The following AXDND1 variants were observed in gnomAD, a reference collection of about 807,000 sequenced individuals.
AXDND1 encodes axonemal dynein light chain domain containing 1.
In AXDND1, 110 loss-of-function variants were observed where a neutral mutation model predicts 137.5. That is an observed-to-expected ratio of 0.80 (90% confidence interval 0.69 to 0.94). The LOEUF (loss-of-function observed/expected upper bound fraction) is 0.94, where lower values mean the gene tolerates loss of function less well. AXDND1 is among the 40% of genes least tolerant of loss of function. The pLI, the probability that AXDND1 is intolerant of heterozygous loss-of-function variation, is 0.00. For synonymous variants in AXDND1, 414 were observed against 399.7 expected (o/e 1.04, Z -0.43); for missense variants, 1,191 against 1,169.8 (o/e 1.02, Z -0.26).
At chr1:179,487,228 T>G (rs1666178998) in intron 18 of AXDND1, among the ~76,000 whole-genome samples, 1 of 148,670 alleles carries the variant, frequency 6.7e-6, no homozygotes, top group Admixed American at 6.6e-5. Context: ...ATCTCCAGTT[T>G]TTTTGTCATT....
intron 25 of AXDND1, chr1:179,550,907 A>G (rs1673154282): frequency 4.0e-6 from 2 of 499,430 alleles, no homozygotes; most frequent in Non-Finnish European, 7.3e-6. Context: ...TCTAGACTCA[A>G]AATTCTTTCC....
intron 21 of AXDND1, among the ~76,000 whole-genome samples, chr1:179,516,794 C>T (rs1376261278): frequency 6.6e-6 from 1 of 152,188 alleles, no homozygotes; most frequent in Non-Finnish European, 1.5e-5. Context: ...GCACAGAGTC[C>T]TGTGATGTGA....
intron 25 of AXDND1, among the ~76,000 whole-genome samples, chr1:179,539,846 C>T (rs1263362252): frequency 6.6e-6 from 1 of 152,116 alleles, no homozygotes; most frequent in Non-Finnish European, 1.5e-5. Flanking sequence ...TAGATTCGGT[C>T]TTTTCACATA....
At chr1:179,462,486 G>C (rs544837820) in intron 16 of AXDND1, among the ~76,000 whole-genome samples, 3 of 152,266 alleles carry the variant, frequency 2.0e-5, no homozygotes, top group Admixed American at 2.0e-4. Context: ...ATGTTATCAG[G>C]GATATTGGTC....
At chr1:179,417,845 C>T (rs2125248830) in intron 12 of AXDND1, among the ~76,000 whole-genome samples, 1 of 152,038 alleles carries the variant, frequency 6.6e-6, no homozygotes, top group African/African-American at 2.4e-5. Context: ...AGTCCATGAG[C>T]ATGGAATATA....
chr1:179,391,256 T>C (rs78216073), intron 9 of AXDND1, among the ~76,000 whole-genome samples: 2,708 of 152,178 alleles, frequency 0.018, 68 homozygotes, highest in African/African-American at 0.06. Context: ...GTTTCTCTTA[T>C]TTTATTTCAA....
At chr1:179,525,300 C>A in intron 21 of AXDND1, 34 bp from the exon 22 acceptor site, 1 of 1,570,528 alleles carries the variant, frequency 6.4e-7, no homozygotes, top group Non-Finnish European at 8.6e-7. Context: ...TATTTATATA[C>A]ACCCTTTAAT....
At position 179,479,359 on chromosome 1, in the gene AXDND1, C is replaced by G. The variant is rs563062305; in HGVS notation, c.1998-3769C>G. ...GCATGGTGGCACATGCCTGTAATCC[C>G]AGCTACTTGGGAGGCTGAGGCAGGA... On this transcript the variant is annotated intron_variant, in intron 17 of 25. Transcript: ENST00000367618. Among the ~76,000 whole-genome samples, 89 of 151,726 alleles carry G rather than the reference C, an allele frequency of 5.9e-4. 1 individual carries two copies. Among genetic ancestry groups the G allele is most frequent in the Admixed American group, 5.2e-3 (79 of 15,238 alleles).
In AXDND1 at chr1:179,492,840, TC is replaced by T; in HGVS notation, c.2292-10del. 1.3e-6 allele frequency: 2 copies of T among 1,551,196 alleles called. No homozygotes were observed. Among genetic ancestry groups the T allele is most frequent in the Non-Finnish European group, 1.8e-6 (2 of 1,139,686 alleles). ...TTTGCTCTTTTTCTTTTTCTTTTTT[TC>T]CCCCTTTTTGCAGTTGTTGCAAAGG... On this transcript the variant is annotated splice_polypyrimidine_tract_variant and intron_variant, in intron 19 of 25. Coordinates refer to ENST00000367618, the MANE Select transcript of AXDND1 (RefSeq NM_144696.6).
intron 15 of AXDND1, among the ~76,000 whole-genome samples, chr1:179,438,129 G>A (rs944658589): frequency 9.2e-5 from 14 of 151,986 alleles, no homozygotes; most frequent in African/African-American, 1.7e-4. Context: ...TCCAGCCTGG[G>A]CCACAGAGTG....
chr1:179,435,938 A>T (rs924080503), intron 15 of AXDND1, among the ~76,000 whole-genome samples: 1 of 152,136 alleles, frequency 6.6e-6, no homozygotes, highest in African/African-American at 2.4e-5. Context: ...CAATCTATCC[A>T]TCTGACAGAG....
At chr1:179,459,752 T>G (rs1422257585) in intron 16 of AXDND1, among the ~76,000 whole-genome samples, 1 of 150,398 alleles carries the variant, frequency 6.6e-6, no homozygotes, top group African/African-American at 2.4e-5. Flanking sequence ...CCTTCCTTCC[T>G]TTCTTTTCTT....
chr1:179,411,356 G>A, intron 12 of AXDND1, 90 bp downstream of exon 12: 1 of 1,526,068 alleles, frequency 6.6e-7, no homozygotes, highest in Non-Finnish European at 8.9e-7. Flanking sequence ...GTTTTGTTTT[G>A]TTTTGAAAGA....
Position 179,383,563 on chromosome 1 carries a change from G to C in AXDND1, c.741+19G>C. On this transcript the variant is annotated intron_variant, in intron 8 of 25. Coordinates refer to ENST00000367618, the MANE Select transcript of AXDND1 (RefSeq NM_144696.6). ...AACGAAGGTAATTGCAAAGCCGAATGCAACCTGGTGGCTAAGAGCATGCAC... is the reference window on the plus strand; with the variant it reads ...AACGAAGGTAATTGCAAAGCCGAATCCAACCTGGTGGCTAAGAGCATGCAC... 6.3e-7 allele frequency: 1 copy of C among 1,584,298 alleles called. No homozygotes were observed. The highest frequency in any genetic ancestry group is 8.7e-7 in the Non-Finnish European group (1 of 1,153,694).
intron 17 of AXDND1, among the ~76,000 whole-genome samples, chr1:179,475,353 T>C (rs1281121097): frequency 6.6e-6 from 1 of 152,110 alleles, no homozygotes; most frequent in Non-Finnish European, 1.5e-5. Context: ...CACCAGACCA[T>C]GAAAGCAGCC....
intron 12 of AXDND1, among the ~76,000 whole-genome samples, chr1:179,426,439 A>G (rs567372683): frequency 2.8e-4 from 42 of 152,212 alleles, no homozygotes; most frequent in Non-Finnish European, 4.4e-4. Context: ...TTAGCTTAGC[A>G]TATGGGCAAA....
intron 4 of AXDND1, among the ~76,000 whole-genome samples, chr1:179,370,572 A>G (rs1463250436): frequency 6.6e-6 from 1 of 152,244 alleles, no homozygotes; most frequent in Non-Finnish European, 1.5e-5. Context: ...TCAAGTCAGC[A>G]AATACTATTT....
chr1:179,516,636 C>T (rs1291663804), intron 21 of AXDND1, among the ~76,000 whole-genome samples: 1 of 152,132 alleles, frequency 6.6e-6, no homozygotes, highest in Non-Finnish European at 1.5e-5. Flanking sequence ...TTCTTTTGTC[C>T]CATGGGGTTC....
intron 17 of AXDND1, among the ~76,000 whole-genome samples, chr1:179,482,541 A>G (rs1665542271): frequency 6.6e-6 from 1 of 152,102 alleles, no homozygotes; most frequent in Admixed American, 6.6e-5. Flanking sequence ...GCATTCTGAA[A>G]TGGAGTTGCT....
Sources: allele counts gnomAD v4.1 joint callset (sites outside exome capture counted in the v4.1 genomes callset), GRCh38; gene constraint gnomAD v4.1.1; transcripts MANE v1.5; gene names NCBI Gene and HGNC (gene_info 2026-07-23, HGNC 2026-07-21).